The following MLLT10 variants were observed in gnomAD, a reference collection of about 807,000 sequenced individuals.
MLLT10 encodes the protein MLLT10 histone lysine methyltransferase DOT1L cofactor, also known as protein AF-10.
A neutral mutation model predicts 129.1 loss-of-function variants in MLLT10; 30 were observed. That is an observed-to-expected ratio of 0.23 (90% CI 0.17 to 0.32). The LOEUF (loss-of-function observed/expected upper bound fraction) is 0.32. Among genes scored for constraint, MLLT10 ranks in the 10% least tolerant of loss-of-function variants. MLLT10 has a pLI of 1.00. For missense variants in MLLT10, 1,119 were observed against 1,268.3 expected (o/e 0.88, Z 1.79); for synonymous variants, 490 against 446.4 (o/e 1.10, Z -1.23).
At chr10:21,642,553 A>T (rs1218288559) in intron 8 of MLLT10, among the ~76,000 whole-genome samples, 1 of 148,994 alleles carries the variant, frequency 6.7e-6, no homozygotes, top group African/African-American at 2.5e-5. Context: ...GGTACTCGGG[A>T]GGATGAGGCA....
chr10:21,671,057 G>C (rs771062639), intron 10 of MLLT10: 2 of 182,646 alleles, frequency 1.1e-5, no homozygotes, highest in East Asian at 3.1e-4. Context: ...ACGGAATCTC[G>C]CTCTGTTGCC....
At chr10:21,557,383 T>A (rs1228257513) in intron 3 of MLLT10, among the ~76,000 whole-genome samples, 10 of 152,228 alleles carry the variant, frequency 6.6e-5, no homozygotes, top group African/African-American at 2.4e-4. Context: ...TCAGGAAAAT[T>A]ATCTCCCTTG....
intron 3 of MLLT10, among the ~76,000 whole-genome samples, chr10:21,553,880 A>G (rs985999591): frequency 1.2e-4 from 18 of 152,010 alleles, no homozygotes; most frequent in African/African-American, 3.9e-4. Flanking sequence ...GAACTCCTGA[A>G]CACAGGTGAT....
At chr10:21,663,100 C>T (rs1242702120) in intron 9 of MLLT10, among the ~76,000 whole-genome samples, 5 of 152,136 alleles carry the variant, frequency 3.3e-5, no homozygotes, top group African/African-American at 1.2e-4. Flanking sequence ...GTTCCTTTTC[C>T]CCCTTTATTG....
At chr10:21,698,863 CTA>C (rs1468948111) in intron 13 of MLLT10, among the ~76,000 whole-genome samples, 1 of 151,896 alleles carries the variant, frequency 6.6e-6, no homozygotes, top group Non-Finnish European at 1.5e-5. Context: ...TTGTCCATTT[CTA>C]TGTTTTTGTT....
At chr10:21,633,256 G>A (rs1005237618) in intron 8 of MLLT10, among the ~76,000 whole-genome samples, 1 of 152,110 alleles carries the variant, frequency 6.6e-6, no homozygotes, top group African/African-American at 2.4e-5. Flanking sequence ...CTGAAAACCT[G>A]GTTGTTTAGA....
At chr10:21,638,644 C>T (rs1212903350) in intron 8 of MLLT10, among the ~76,000 whole-genome samples, 1 of 152,056 alleles carries the variant, frequency 6.6e-6, no homozygotes, top group Non-Finnish European at 1.5e-5. Flanking sequence ...GAGCGTGAGA[C>T]CCCATCACTA....
chr10:21,592,744 G>A (rs1202665997), intron 4 of MLLT10, among the ~76,000 whole-genome samples: 5 of 152,160 alleles, frequency 3.3e-5, no homozygotes, highest in Admixed American at 1.3e-4. Flanking sequence ...GATTACAGGC[G>A]TGAGCCACCG....
intron 13 of MLLT10, among the ~76,000 whole-genome samples, chr10:21,708,071 G>T (rs2055702537): frequency 6.6e-6 from 1 of 152,066 alleles, no homozygotes; most frequent in African/African-American, 2.4e-5. Flanking sequence ...TCCTTAAATT[G>T]TAAATTCCCA....
chr10:21,646,514 G>A (rs1276428458), intron 8 of MLLT10, among the ~76,000 whole-genome samples: 1 of 151,014 alleles, frequency 6.6e-6, no homozygotes, highest in Non-Finnish European at 1.5e-5. Context: ...GTTTTTTTGG[G>A]GGGGTAGATA....
At chr10:21,667,308 A>C (rs2050907576) in intron 9 of MLLT10, among the ~76,000 whole-genome samples, 1 of 150,360 alleles carries the variant, frequency 6.7e-6, no homozygotes, top group Middle Eastern at 3.5e-3. Context: ...AACTGAGTTC[A>C]TTTACTTTTC....
intron 9 of MLLT10, among the ~76,000 whole-genome samples, chr10:21,665,889 T>A (rs2050740947): frequency 1.3e-5 from 2 of 152,044 alleles, no homozygotes; most frequent in South Asian, 4.2e-4. Context: ...AATCTACAGG[T>A]AGAGACAGGG....
At chr10:21,607,775 A>G (rs575435608) in intron 5 of MLLT10, among the ~76,000 whole-genome samples, 10 of 152,356 alleles carry the variant, frequency 6.6e-5, no homozygotes, top group African/African-American at 2.2e-4. Flanking sequence ...AGAAATACCT[A>G]ATCACACTGT....
rs116477467 is a variant in MLLT10 at position 21,602,216 on chromosome 10, G to C, written c.405+6776G>C. Among the ~76,000 whole-genome samples, 305 of 152,294 alleles carry C rather than the reference G, an allele frequency of 2.0e-3. 1 individual carries two copies. Among genetic ancestry groups the C allele is most frequent in the African/African-American group, 6.9e-3 (287 of 41,550 alleles). ...AATTTCTAGAAAAGAGAGATGGGTT[G>C]TCCAGGTGGGCAACAAGTTGCAGTT... On this transcript the variant is annotated intron_variant, in intron 5 of 22. Coordinates refer to ENST00000307729, the MANE Select transcript of MLLT10 (RefSeq NM_001195626.3).
At chr10:21,709,230 CT>C (rs33993302) in intron 13 of MLLT10, among the ~76,000 whole-genome samples, 2,529 of 143,342 alleles carry the variant, frequency 0.018, 34 homozygotes, top group Non-Finnish European at 0.023. Context: ...ATTTTATCTG[CT>C]TTTTTTTTTT....
chr10:21,614,693 CT>C (rs2045051589), intron 6 of MLLT10, 137 bp from the exon 7 acceptor site: 1 of 628,776 alleles, frequency 1.6e-6, no homozygotes, highest in African/African-American at 1.9e-5. Flanking sequence ...TAGAATAAAG[CT>C]TTTTATTTTC....
intron 9 of MLLT10, among the ~76,000 whole-genome samples, chr10:21,654,551 A>G (rs962340087): frequency 2.0e-5 from 3 of 152,232 alleles, no homozygotes; most frequent in African/African-American, 7.2e-5. Flanking sequence ...GGTTAACTAT[A>G]ATAATGCAAA....
Position 21,534,306 on chromosome 10 carries a change from G to GGCCCCC in MLLT10, c.-215_-214insGCCCCC. ...CCTCGCTGCCCCTGGCCCAGCGGGA[G>GGCCCCC]CCCCCCCTCCCCCCAGTGCGCCTGT... is the stretch of plus-strand genomic sequence containing the variant. On this transcript the variant is annotated 5_prime_UTR_variant, in exon 1 of 23. Coordinates refer to ENST00000307729, the MANE Select transcript of MLLT10 (RefSeq NM_001195626.3). 3.0e-6 allele frequency: 1 copy of GGCCCCC among 328,450 alleles called. No individual in the cohort carries two copies. Among genetic ancestry groups the GGCCCCC allele is most frequent in the Admixed American group, 5.4e-5 (1 of 18,450 alleles). The allele number at this position is 328,450 out of a possible 1,614,324, so 20.3% of individuals were successfully genotyped here.
At chr10:21,596,675 G>A (rs898669785) in intron 5 of MLLT10, among the ~76,000 whole-genome samples, 2 of 151,404 alleles carry the variant, frequency 1.3e-5, no homozygotes, top group African/African-American at 2.4e-5. Flanking sequence ...AAGAGTTTGA[G>A]TACTGGTAAG....
Sources: allele counts gnomAD v4.1 joint callset (sites outside exome capture counted in the v4.1 genomes callset), GRCh38; gene constraint gnomAD v4.1.1; transcripts MANE v1.5; gene names NCBI Gene and HGNC (gene_info 2026-07-23, HGNC 2026-07-21).